The following VGLL3 variants were observed in gnomAD, a reference collection of about 807,000 sequenced individuals.
VGLL3 encodes the protein transcription cofactor vestigial-like protein 3.
In VGLL3, 18 loss-of-function variants were observed where a neutral mutation model predicts 29.2. The observed-to-expected ratio is 0.62, with a 90% confidence interval of 0.43 to 0.91. The LOEUF is 0.91. VGLL3 is among the 40% of genes least tolerant of loss of function. The pLI is 0.00. For missense variants in VGLL3, 440 were observed against 413.2 expected, an observed-to-expected ratio of 1.06 and a Z score of -0.56; for synonymous variants, 180 against 151.8, an observed-to-expected ratio of 1.19 and a Z score of -1.36.
chr3:86,959,415 G>A (rs1352810715), intron 3 of VGLL3, among the ~76,000 whole-genome samples: 1 of 152,162 alleles, frequency 6.6e-6, no homozygotes, highest in Non-Finnish European at 1.5e-5. Flanking sequence ...GATGGCTAAT[G>A]TATGCTCCCT....
intron 1 of VGLL3, among the ~76,000 whole-genome samples, chr3:86,979,913 T>C (rs1040922706): frequency 5.3e-5 from 8 of 152,320 alleles, no homozygotes; most frequent in East Asian, 1.9e-4. Context: ...ATTGTTTTTC[T>C]GTGTAATACG....
intron 3 of VGLL3, among the ~76,000 whole-genome samples, chr3:86,949,826 CA>C (rs568854625): frequency 0.013 from 776 of 59,494 alleles, 3 homozygotes; most frequent in African/African-American, 0.04. Flanking sequence ...GACTCCATCT[CA>C]AAAAAAAAAA....
chr3:86,973,074 C>A (rs746699983), intron 2 of VGLL3, among the ~76,000 whole-genome samples: 23 of 127,802 alleles, frequency 1.8e-4, no homozygotes, highest in South Asian at 6.6e-4. Context: ...TTAAAAAAAA[C>A]ACACACACAC....
At chr3:86,958,491 A>G (rs149717535) in intron 3 of VGLL3, among the ~76,000 whole-genome samples, 2 of 152,294 alleles carry the variant, frequency 1.3e-5, no homozygotes, top group Non-Finnish European at 2.9e-5. Flanking sequence ...CACCTGTTCC[A>G]CCAAGTAGGA....
At chr3:86,987,317 T>C (rs1181007646) in intron 1 of VGLL3, among the ~76,000 whole-genome samples, 1 of 152,210 alleles carries the variant, frequency 6.6e-6, no homozygotes, top group African/African-American at 2.4e-5. Context: ...ACAAAACTTA[T>C]AACTGAAGTT....
At chr3:86,967,597 G>C (rs931942711) in intron 3 of VGLL3, among the ~76,000 whole-genome samples, 5 of 152,066 alleles carry the variant, frequency 3.3e-5, no homozygotes, top group South Asian at 2.1e-4. Context: ...CATGATTAAG[G>C]GTTCTCCACA....
At chr3:86,954,240 G>GA (rs1235430923) in intron 3 of VGLL3, among the ~76,000 whole-genome samples, 1 of 152,176 alleles carries the variant, frequency 6.6e-6, no homozygotes. Flanking sequence ...GATGTTACTA[G>GA]AAAACCATAA....
At chr3:86,983,980 T>C (rs979322725) in intron 1 of VGLL3, among the ~76,000 whole-genome samples, 1 of 152,078 alleles carries the variant, frequency 6.6e-6, no homozygotes, top group Non-Finnish European at 1.5e-5. Flanking sequence ...ACCCAGAAAA[T>C]AGACTAAAGA....
chr3:86,979,582 C>A (rs780021957), intron 1 of VGLL3, among the ~76,000 whole-genome samples: 51 of 152,138 alleles, frequency 3.4e-4, no homozygotes, highest in Non-Finnish European at 6.0e-4. Context: ...TTATTTCAGA[C>A]ATGTTTCTAA....
At chr3:86,980,721 T>C (rs1025777738) in intron 1 of VGLL3, among the ~76,000 whole-genome samples, 1 of 152,108 alleles carries the variant, frequency 6.6e-6, no homozygotes, top group Non-Finnish European at 1.5e-5. Flanking sequence ...GATTTATTAG[T>C]CAAATCACAG....
intron 3 of VGLL3, 72 bp from the exon 4 acceptor site, chr3:86,947,139 C>T (rs1704525474): frequency 3.9e-6 from 3 of 772,828 alleles, no homozygotes; most frequent in Non-Finnish European, 2.4e-6. Flanking sequence ...GCATAATCTG[C>T]AATACATTGG....
intron 2 of VGLL3, among the ~76,000 whole-genome samples, chr3:86,977,731 C>A (rs1705239742): frequency 6.6e-6 from 1 of 152,180 alleles, no homozygotes; most frequent in Non-Finnish European, 1.5e-5. Flanking sequence ...GAAAATCACA[C>A]CTCGAGAACC....
rs1704464298 is a variant in VGLL3 at position 86,944,451 on chromosome 3, G to A, written c.*2573C>T. 1 of 152,392 alleles carries A rather than the reference G, an allele frequency of 6.6e-6. No homozygotes were observed. Among genetic ancestry groups the A allele is most frequent in the African/African-American group, 2.4e-5 (1 of 41,436 alleles). The allele number at this position is 152,392 out of a possible 1,614,324, so 9.4% of individuals were successfully genotyped here. On this transcript the variant is annotated 3_prime_UTR_variant, in exon 4 of 4. Coordinates refer to ENST00000398399, the MANE Select transcript of VGLL3 (RefSeq NM_016206.4). ...TTTTGTAGGGATAGGGTCTCCCTAT[G>A]TTGCCTAGGCTGATCTTGAACTCCT...
rs925046269 is a variant in VGLL3 at position 86,962,427 on chromosome 3, C to G, written c.937+6163G>C. ...CAGAGGCACCTCACTGTCCTCACCA[C>G]CACTCAGCCCTTCGGAAAAAATGGA... On this transcript the variant is annotated intron_variant, in intron 3 of 3. Transcript: ENST00000398399. 7.1e-6 allele frequency: 7 copies of G among 985,250 alleles called. No homozygotes were observed. In the African/African-American group the frequency reaches 1.0e-4, roughly 15 times the overall value. The allele number at this position is 985,250 out of a possible 1,614,324, so 61.0% of individuals were successfully genotyped here.
chr3:86,979,278 A>G (rs899015118), intron 1 of VGLL3, among the ~76,000 whole-genome samples: 3 of 152,206 alleles, frequency 2.0e-5, no homozygotes, highest in Non-Finnish European at 4.4e-5. Flanking sequence ...AATAAAATAA[A>G]CTAAAATAAA....
At chr3:86,965,963 T>C (rs1007971451) in intron 3 of VGLL3, among the ~76,000 whole-genome samples, 2 of 152,092 alleles carry the variant, frequency 1.3e-5, no homozygotes, top group Admixed American at 6.5e-5. Flanking sequence ...CCTAGAAAAA[T>C]TGACGTACAA....
At chr3:86,979,873 G>C (rs533377314) in intron 1 of VGLL3, among the ~76,000 whole-genome samples, 1 of 152,176 alleles carries the variant, frequency 6.6e-6, no homozygotes, top group South Asian at 2.1e-4. Context: ...GGGATATCTA[G>C]AGTAAAAAAA....
At position 86,990,602 on chromosome 3, in the gene VGLL3, C is replaced by A; in HGVS notation, c.126+16G>T. ...TTCGCCCCCGCCCCCAGCAGGCTGC[C>A]CGTCCGGTGACTCACCTGCTGGCCA... is the stretch of plus-strand genomic sequence containing the variant. On this transcript the variant is annotated intron_variant, in intron 1 of 3. Transcript: ENST00000398399. 2 of 1,336,034 alleles carry A rather than the reference C, an allele frequency of 1.5e-6. No individual in the cohort carries two copies. The highest frequency in any genetic ancestry group is 1.9e-6 in the Non-Finnish European group (2 of 1,034,438). 82.8% of individuals were successfully genotyped at this position (1,336,034 alleles called of 1,614,324 possible).
chr3:86,961,621 T>C (rs1704845402), intron 3 of VGLL3, among the ~76,000 whole-genome samples: 1 of 152,150 alleles, frequency 6.6e-6, no homozygotes, highest in African/African-American at 2.4e-5. Context: ...TCCTTCCTTA[T>C]ACACAAAGGG....
Sources: allele counts gnomAD v4.1 joint callset (sites outside exome capture counted in the v4.1 genomes callset), GRCh38; gene constraint gnomAD v4.1.1; transcripts MANE v1.5; gene names NCBI Gene and HGNC (gene_info 2026-07-23, HGNC 2026-07-21).